ACOT1: variants seen among roughly 807,000 people sequenced by gnomAD.
ACOT1 encodes the protein acyl-coenzyme A thioesterase 1.
In ACOT1, 8 loss-of-function variants were observed where a neutral mutation model predicts 15.7. The ratio of observed to expected loss-of-function variants is 0.51; its 90% CI spans 0.30 to 0.92. The LOEUF (loss-of-function observed/expected upper bound fraction) is 0.92, where lower values mean the gene tolerates loss of function less well. ACOT1 is among the 40% of genes least tolerant of loss of function. The pLI, the probability that ACOT1 is intolerant of heterozygous loss-of-function variation, is 0.06. For missense variants in ACOT1, 151 were observed against 539.4 expected, an observed-to-expected ratio of 0.28 and a Z score of 7.13; for synonymous variants, 67 against 241.2, an observed-to-expected ratio of 0.28 and a Z score of 6.69.
upstream of ACOT1, among the ~76,000 whole-genome samples, chr14:73,536,239 A>G (rs142999797): frequency 1.3e-3 from 148 of 113,224 alleles, 27 homozygotes; most frequent in African/African-American, 3.9e-3. Context: ...TTCTCTAATT[A>G]CCAAGATAGG....
chr14:73,521,015 T>C, the ACOT1 span: 2 of 1,613,662 alleles, frequency 1.2e-6, no homozygotes, highest in African/African-American at 1.3e-5. Flanking sequence ...CAACTGTCTC[T>C]GCTTGTTGGA....
At position 73,537,787 on chromosome 14, in the gene ACOT1, G is replaced by C. The variant is rs1211488430; in HGVS notation, c.366G>C (p.Arg122=). ...CCGACCCCGGGCGGCTGCTGTGCCG[G>C]GTGCGGCACGAGCGCTACTTCCTCC... ...HDPDPGRLLC[R]VRHERYFLPP... is the part of the protein sequence containing the mutation. Residue 122 remains arginine (R), a synonymous_variant, in exon 1 of 3, where the codon CGG becomes CGC. Transcript: ENST00000311148. The C allele has an allele frequency of 1.1e-5, 14 of 1,227,644 alleles. 4 individuals are homozygous for C. In the African/African-American group the frequency reaches 2.2e-4, roughly 19 times the overall value. The allele number at this position is 1,227,644 out of a possible 1,614,324, so 76.0% of individuals were successfully genotyped here.
At position 73,537,414 on chromosome 14, in the gene ACOT1, C is replaced by G. The variant is rs751072963; in HGVS notation, c.-8C>G. ...CAGTTTGGCCGGATTATTTGGGTTC[C>G]TGCTCGGATGGCGGCGACGCTGATC... On this transcript the variant is annotated 5_prime_UTR_variant, in exon 1 of 3. Transcript: ENST00000311148. 67 of 1,234,788 alleles carry G rather than the reference C, an allele frequency of 5.4e-5. 17 individuals carry two copies. Among genetic ancestry groups the G allele is most frequent in the Non-Finnish European group, 7.0e-5 (65 of 931,794 alleles). The allele number at this position is 1,234,788 out of a possible 1,614,324, so 76.5% of individuals were successfully genotyped here. A position where few individuals can be genotyped will look rare whatever the true frequency, so the allele number is the denominator to read the frequency against.
chr14:73,495,314 C>T, the ACOT1 span: 5 of 1,613,890 alleles, frequency 3.1e-6, no homozygotes, highest in Non-Finnish European at 4.2e-6. Context: ...TGCTTCCTCC[C>T]TCACTTTTCC....
the ACOT1 span, among the ~76,000 whole-genome samples, chr14:73,528,045 A>G: frequency 6.6e-6 from 1 of 151,268 alleles, no homozygotes; most frequent in Non-Finnish European, 1.5e-5. Context: ...AAGAATCTTT[A>G]GTTACAATGC....
chr14:73,512,325 A>G, the ACOT1 span, among the ~76,000 whole-genome samples: 7 of 152,326 alleles, frequency 4.6e-5, no homozygotes, highest in African/African-American at 1.7e-4. Context: ...CTGATGATCC[A>G]TGTACCCTCA....
the ACOT1 span, chr14:73,490,954 A>G: frequency 1.3e-5 from 17 of 1,288,146 alleles, no homozygotes; most frequent in Admixed American, 3.2e-4. Flanking sequence ...CAGCCGCTGC[A>G]TTCAGGAACC....
the ACOT1 span, chr14:73,519,193 C>G: frequency 6.3e-7 from 1 of 1,588,220 alleles, no homozygotes; most frequent in Non-Finnish European, 8.6e-7. Context: ...CAATGAGTCC[C>G]CTATAACCTC....
chr14:73,509,840 A>ATATATG, the ACOT1 span, among the ~76,000 whole-genome samples: 2 of 75,772 alleles, frequency 2.6e-5, no homozygotes, highest in Non-Finnish European at 5.7e-5. Context: ...ATATATATAT[A>ATATATG]TATATATATA....
At chr14:73,498,644 A>G in the ACOT1 span, among the ~76,000 whole-genome samples, 1 of 152,232 alleles carries the variant, frequency 6.6e-6, no homozygotes, top group Non-Finnish European at 1.5e-5. Flanking sequence ...TTATTTATCT[A>G]TGTCAAAAAG....
chr14:73,507,998 G>T, the ACOT1 span: 1 of 768,096 alleles, frequency 1.3e-6, no homozygotes, highest in African/African-American at 1.7e-5. Context: ...CACCTGCCTC[G>T]GCCTCCCGAA....
At chr14:73,517,282 A>G in the ACOT1 span, 1 of 152,194 alleles carries the variant, frequency 6.6e-6, no homozygotes, top group East Asian at 1.9e-4. Context: ...ACTAGTCTGA[A>G]ACTGCTAGGC....
the ACOT1 span, chr14:73,520,891 A>G: frequency 1.9e-6 from 3 of 1,613,988 alleles, no homozygotes; most frequent in Admixed American, 1.7e-5. Context: ...TCTGTGGAGT[A>G]GGCAAACTTT....
At chr14:73,522,148 G>T in the ACOT1 span, 52 of 985,598 alleles carry the variant, frequency 5.3e-5, no homozygotes, top group South Asian at 4.9e-4. Flanking sequence ...GAGCAGGCCG[G>T]TGGTGGAGAA....
chr14:73,521,703 G>T, the ACOT1 span, among the ~76,000 whole-genome samples: 1 of 152,182 alleles, frequency 6.6e-6, no homozygotes, highest in Admixed American at 6.5e-5. Flanking sequence ...CTCTCAGGTT[G>T]TCTGGTTCTC....
At chr14:73,500,597 G>T in the ACOT1 span, 6 of 1,613,946 alleles carry the variant, frequency 3.7e-6, no homozygotes, top group Non-Finnish European at 4.2e-6. Context: ...CAGGCTGCCC[G>T]CCGAACTGCT....
chr14:73,501,858 A>T, the ACOT1 span, among the ~76,000 whole-genome samples: 2 of 151,682 alleles, frequency 1.3e-5, no homozygotes, highest in African/African-American at 4.8e-5. Flanking sequence ...GGTTCACGCC[A>T]TTCTCCTGCC....
chr14:73,515,667 A>C, the ACOT1 span, among the ~76,000 whole-genome samples: 15 of 98,482 alleles, frequency 1.5e-4, no homozygotes, highest in African/African-American at 6.3e-4. Flanking sequence ...GCGAGACTCC[A>C]TCTCAAAAAA....
At chr14:73,506,490 G>C in the ACOT1 span, 1 of 1,613,390 alleles carries the variant, frequency 6.2e-7, no homozygotes, top group Non-Finnish European at 8.5e-7. Flanking sequence ...CCACTGATCC[G>C]GGAGAAAGCC....
Sources: allele counts gnomAD v4.1 joint callset (sites outside exome capture counted in the v4.1 genomes callset), GRCh38; gene constraint gnomAD v4.1.1; transcripts MANE v1.5; gene names NCBI Gene and HGNC (gene_info 2026-07-23, HGNC 2026-07-21).